Variants in POLR2F observed in about 807,000 individuals in gnomAD.
POLR2F encodes the protein RNA polymerase II, I and III subunit F.
A neutral mutation model predicts 22.7 loss-of-function variants in POLR2F; 12 were observed. The ratio of observed to expected loss-of-function variants is 0.53; its 90% confidence interval spans 0.34 to 0.86. The LOEUF is 0.86. Ranked by LOEUF, POLR2F falls within the 40% of genes least tolerant of loss-of-function variation. The pLI is 0.02. For missense variants in POLR2F, 126 were observed against 171.5 expected (o/e 0.73, Z 1.48); for synonymous variants, 57 against 66.0 (o/e 0.86, Z 0.66).
chr22:38,005,196 T>C (rs990463737), intron 1 of POLR2F, among the ~76,000 whole-genome samples: 2 of 152,210 alleles, frequency 1.3e-5, no homozygotes, highest in Non-Finnish European at 2.9e-5. Context: ...ACTCAGGAAG[T>C]GGTAGGGGTG....
chr22:38,041,312 G>C (rs1487471576), downstream of POLR2F: 11 of 660,174 alleles, frequency 1.7e-5, no homozygotes, highest in African/African-American at 3.6e-5. Flanking sequence ...TGACCAGGTG[G>C]AAGGTCATTC....
upstream of POLR2F, among the ~76,000 whole-genome samples, chr22:37,985,818 A>AACACACACAC (rs60447362): frequency 1.6e-4 from 23 of 144,490 alleles, no homozygotes; most frequent in East Asian, 1.1e-3. Context: ...CAGACACTGG[A>AACACACACAC]ACACACACAC....
chr22:38,011,226 C>G (rs1047702741), intron 1 of POLR2F, among the ~76,000 whole-genome samples: 1 of 152,010 alleles, frequency 6.6e-6, no homozygotes, highest in South Asian at 2.1e-4. Context: ...CTCAGCCTCC[C>G]GAGTAGCTGG....
intron 5 of POLR2F, among the ~76,000 whole-genome samples, chr22:38,037,904 G>A (rs984849091): frequency 1.3e-5 from 2 of 152,116 alleles, no homozygotes; most frequent in Admixed American, 6.5e-5. Flanking sequence ...CCCTGTGTGA[G>A]GTGCTTTTTG....
chr22:38,001,118 A>G (rs2084765356), intron 1 of POLR2F, among the ~76,000 whole-genome samples: 1 of 151,960 alleles, frequency 6.6e-6, no homozygotes, highest in African/African-American at 2.4e-5. Flanking sequence ...TAGAGTCAAC[A>G]CTCCTGAGAG....
upstream of POLR2F, chr22:37,986,001 G>T: frequency 1.0e-6 from 1 of 963,562 alleles, no homozygotes; most frequent in South Asian, 3.4e-5. This position sits in a 1 kb window ranked among gnomAD's most constrained non-coding sequence, Gnocchi z 4.7. Flanking sequence ...CGCCACCCCC[G>T]GCGCTGCCAA....
At chr22:37,957,632 A>T (rs1042816297) in intron 2 of POLR2F, among the ~76,000 whole-genome samples, 5 of 152,120 alleles carry the variant, frequency 3.3e-5, no homozygotes, top group Non-Finnish European at 2.9e-5. Context: ...CTTGAGTCAG[A>T]TGCGTCCTTC....
chr22:37,970,146 T>G (rs554210413), downstream of POLR2F, among the ~76,000 whole-genome samples: 1 of 151,618 alleles, frequency 6.6e-6, no homozygotes, highest in South Asian at 2.1e-4. Flanking sequence ...TACAAAAAAT[T>G]AGCCAGGTGT....
At chr22:37,971,402 T>C (rs972195949), downstream of POLR2F, 8 of 433,868 alleles carry the variant, frequency 1.8e-5, no homozygotes, top group African/African-American at 1.0e-4. Flanking sequence ...TAAGCTGTTA[T>C]GAGCTGGGTA....
chr22:37,973,781 T>C, downstream of POLR2F: 1 of 1,594,852 alleles, frequency 6.3e-7, no homozygotes, highest in South Asian at 1.1e-5. Context: ...GGTGGATGGC[T>C]GGTCGGTGTA....
chr22:37,987,230 A>T, intron 1 of POLR2F: 2 of 456,676 alleles, frequency 4.4e-6, no homozygotes, highest in Non-Finnish European at 8.8e-6. Flanking sequence ...CCATGGCCCA[A>T]GGAGGCCTTT....
chr22:37,983,830 G>T, upstream of POLR2F: 1 of 1,356,794 alleles, frequency 7.4e-7, no homozygotes, highest in Non-Finnish European at 9.5e-7. This position sits in a 1 kb window ranked among gnomAD's most constrained non-coding sequence, Gnocchi z 9.5. Context: ...CCTCCCCCGG[G>T]CCAGCCGCCG....
At chr22:38,025,950 C>G (rs1439340096) in exon 2 of POLR2F, 1 of 650,700 alleles carries the variant, frequency 1.5e-6, no homozygotes. Flanking sequence ...AAATCAATGA[C>G]TCTGAATCTA....
At chr22:37,956,128 T>C (rs983163307) in intron 1 of POLR2F, among the ~76,000 whole-genome samples, 33 of 150,802 alleles carry the variant, frequency 2.2e-4, no homozygotes, top group Non-Finnish European at 4.1e-4. Flanking sequence ...TCACTCTTGT[T>C]GCCCAGGCTG....
upstream of POLR2F, among the ~76,000 whole-genome samples, chr22:37,982,924 A>C (rs1406213572): frequency 6.6e-6 from 1 of 152,222 alleles, no homozygotes; most frequent in Non-Finnish European, 1.5e-5. Context: ...TGAGTTCTCC[A>C]TCTGACTGCC....
intron 1 of POLR2F, among the ~76,000 whole-genome samples, chr22:38,010,479 G>T (rs996222895): frequency 6.6e-6 from 1 of 151,936 alleles, no homozygotes; most frequent in Non-Finnish European, 1.5e-5. Flanking sequence ...CACATTTCCA[G>T]CAGCGAGGTT....
At chr22:37,991,778 A>G (rs1932732801) in intron 1 of POLR2F, among the ~76,000 whole-genome samples, 1 of 152,124 alleles carries the variant, frequency 6.6e-6, no homozygotes, top group Non-Finnish European at 1.5e-5. Flanking sequence ...AGGCCAGGGA[A>G]GCAGCTGAAT....
At chr22:37,974,191 G>A, downstream of POLR2F, 1 of 1,602,638 alleles carries the variant, frequency 6.2e-7, no homozygotes, top group South Asian at 1.1e-5. This position sits in a 1 kb window ranked among gnomAD's most constrained non-coding sequence, Gnocchi z 5.4. Context: ...GTGGGCCATG[G>A]CTCTGGCCTG....
chr22:37,985,755 G>A (rs1156647942), upstream of POLR2F, among the ~76,000 whole-genome samples: 2 of 151,612 alleles, frequency 1.3e-5, no homozygotes, highest in Non-Finnish European at 2.9e-5. Context: ...GGTGGGAAAT[G>A]GGACACAATG....
Sources: allele counts gnomAD v4.1 joint callset (sites outside exome capture counted in the v4.1 genomes callset), GRCh38; gene constraint gnomAD v4.1.1; non-coding constraint Gnocchi (gnomAD v3.1); transcripts MANE v1.5; gene names NCBI Gene and HGNC (gene_info 2026-07-23, HGNC 2026-07-21).